Variants in MAN1B1 observed in about 807,000 individuals in gnomAD.
MAN1B1 encodes endoplasmic reticulum mannosyl-oligosaccharide 1,2-alpha-mannosidase.
In MAN1B1, 66 loss-of-function variants were observed where a neutral mutation model predicts 75.5. The ratio of observed to expected loss-of-function variants is 0.87; its 90% CI spans 0.72 to 1.07. MAN1B1 has a LOEUF of 1.07. MAN1B1 is among the 50% of genes least tolerant of loss of function. MAN1B1 has a pLI of 0.00. For synonymous variants in MAN1B1, 453 were observed against 382.8 expected, an observed-to-expected ratio of 1.18 and a Z score of -2.14; for missense variants, 973 against 912.5, an observed-to-expected ratio of 1.07 and a Z score of -0.85.
intron 1 of MAN1B1, 101 bp downstream of exon 1, chr9:137,087,319 C>G: frequency 7.7e-7 from 1 of 1,305,792 alleles, no homozygotes; most frequent in Non-Finnish European, 1.0e-6. Flanking sequence ...ACTCGACTCC[C>G]CAGGCGCCGC....
chr9:137,106,172 G>A lies in MAN1B1; in HGVS notation c.1302G>A (p.Lys434=). ...AGCACATCCACGGCCTGTCTGGGAAGAAGGATGGGCTGGTGCCCATGTTCA... is the reference window on the plus strand; with the variant it reads ...AGCACATCCACGGCCTGTCTGGGAAAAAGGATGGGCTGGTGCCCATGTTCA... The part of the protein sequence containing the change: ...VTQHIHGLSG[K]KDGLVPMFIN... The change falls in exon 9 of 13, where the codon AAG becomes AAA. Residue 434 remains lysine, a synonymous_variant. Coordinates refer to ENST00000371589, the MANE Select transcript of MAN1B1 (RefSeq NM_016219.5). 6.2e-7 allele frequency: 1 copy of A among 1,612,934 alleles called. No homozygotes were observed. Among genetic ancestry groups the A allele is most frequent in the Non-Finnish European group, 8.5e-7 (1 of 1,179,898 alleles).
intron 4 of MAN1B1, among the ~76,000 whole-genome samples, chr9:137,096,980 C>T (rs371568998): frequency 1.3e-5 from 2 of 152,240 alleles, no homozygotes; most frequent in East Asian, 3.8e-4. Flanking sequence ...CCAGTGAGGG[C>T]TGCTGTGCAG....
intron 1 of MAN1B1, 32 bp from the exon 2 acceptor site, chr9:137,088,039 TTCAG>T: frequency 6.7e-7 from 1 of 1,484,502 alleles, no homozygotes; most frequent in Non-Finnish European, 9.4e-7. Flanking sequence ...GTGTGATATA[TTCAG>T]TAAGAAATGT....
rs776771824 is a variant in MAN1B1 at position 137,089,012 on chromosome 9, T to C, written c.465+7T>C. On this transcript the variant is annotated splice_region_variant and intron_variant, in intron 3 of 12. Coordinates refer to ENST00000371589, the MANE Select transcript of MAN1B1 (RefSeq NM_016219.5). ...ACCTGAGATTTCGTCACAGGTACTTTGAGCAAATGGTGTGGGGTTATAACT... is the reference window on the plus strand; with the variant it reads ...ACCTGAGATTTCGTCACAGGTACTTCGAGCAAATGGTGTGGGGTTATAACT... 1 of 1,613,966 alleles carries C rather than the reference T, an allele frequency of 6.2e-7. No homozygotes were observed. The highest frequency in any genetic ancestry group is 8.5e-7 in the Non-Finnish European group (1 of 1,179,974).
chr9:137,098,720 T>C (rs1320428866), intron 5 of MAN1B1, among the ~76,000 whole-genome samples: 1 of 152,086 alleles, frequency 6.6e-6, no homozygotes, highest in Non-Finnish European at 1.5e-5. Flanking sequence ...CATTAGTCAA[T>C]GTTGGCCGGG....
chr9:137,104,898 ACACC>A (rs942382517), intron 8 of MAN1B1: 1 of 148,222 alleles, frequency 6.7e-6, no homozygotes, highest in African/African-American at 2.6e-5. Flanking sequence ...GTGGGTGCAC[ACACC>A]TGCCTGAGGC....
chr9:137,100,587 A>G (rs987082181), intron 6 of MAN1B1, among the ~76,000 whole-genome samples: 1 of 152,134 alleles, frequency 6.6e-6, no homozygotes, highest in Non-Finnish European at 1.5e-5. Flanking sequence ...CAATGGCGCA[A>G]TCTCGGCTCA....
Position 137,106,231 on chromosome 9 carries a change from G to T in MAN1B1, c.1361G>T (p.Gly454Val), listed in dbSNP as rs762020069. 1.2e-6 allele frequency: 2 copies of T among 1,603,932 alleles called. No homozygotes were observed. Among genetic ancestry groups the T allele is most frequent in the Non-Finnish European group, 1.7e-6 (2 of 1,175,822 alleles). Reference sequence around the variant, plus strand: ...CACAGTGGCCTCTTCACCCACCTGGGCGTATTCACGCTGGGCGCCAGGGCC... The same window carrying T: ...CACAGTGGCCTCTTCACCCACCTGGTCGTATTCACGCTGGGCGCCAGGGCC... ...NTHSGLFTHL[G>V]VFTLGARADS... Residue 454 changes from glycine to valine, a missense_variant, in exon 9 of 13, where the codon GGC becomes GTC. Coordinates refer to ENST00000371589, the MANE Select transcript of MAN1B1 (RefSeq NM_016219.5).
chr9:137,101,762 C>A, intron 8 of MAN1B1, 90 bp downstream of exon 8: 2 of 1,411,616 alleles, frequency 1.4e-6, no homozygotes, highest in Non-Finnish European at 2.0e-6. Flanking sequence ...TGTGTATGTG[C>A]ATGTGTGTTT....
At position 137,108,412 on chromosome 9, in the gene MAN1B1, A is replaced by G. The variant is rs547087121; in HGVS notation, c.1921A>G (p.Ile641Val). ...TRVPSGGYSS[I>V]NNVQDPQKPE... ...GGTCCCCTCGGGTGGCTATTCTTCC[A>G]TCAACAATGTCCAGGATCCTCAGAA... The change falls in exon 13 of 13, where the codon ATC (isoleucine) becomes GTC (valine). Residue 641 changes from isoleucine to valine, a missense_variant. Transcript: ENST00000371589. The G allele has an allele frequency of 6.2e-7, 1 of 1,613,770 alleles. No homozygotes were observed. The highest frequency in any genetic ancestry group is 1.7e-5 in the Admixed American group (1 of 60,018).
At chr9:137,098,731 C>T (rs945163881) in intron 5 of MAN1B1, among the ~76,000 whole-genome samples, 2 of 152,050 alleles carry the variant, frequency 1.3e-5, no homozygotes, top group South Asian at 2.1e-4. Flanking sequence ...GTTGGCCGGG[C>T]GTGGTGGCTC....
At chr9:137,101,226 T>C in intron 7 of MAN1B1, 73 bp downstream of exon 7, 6 of 1,569,790 alleles carry the variant, frequency 3.8e-6, no homozygotes, top group Non-Finnish European at 5.2e-6. Context: ...AGTGGACTTG[T>C]GGGGACGTGA....
rs1831098204 is a variant in MAN1B1, at chr9:137,106,262, C to T, written c.1392C>T (p.Ser464=). The change falls in exon 9 of 13, where the codon AGC becomes AGT. Residue 464 remains serine (S), a synonymous_variant. Coordinates refer to ENST00000371589, the MANE Select transcript of MAN1B1 (RefSeq NM_016219.5). ...GVFTLGARAD[S]YYEYLLKQWI... is the part of the protein sequence containing the mutation. The stretch of plus-strand genomic sequence containing the variant: ...TCACGCTGGGCGCCAGGGCCGACAG[C>T]TACTATGAGTACCTGCTGAAGCAGT... 6.4e-7 allele frequency: 1 copy of T among 1,573,924 alleles called. No homozygotes were observed. The highest frequency in any genetic ancestry group is 1.3e-5 in the African/African-American group (1 of 74,440).
At chr9:137,100,512 TG>T (rs751019439) in intron 6 of MAN1B1, among the ~76,000 whole-genome samples, 32 of 152,250 alleles carry the variant, frequency 2.1e-4, no homozygotes, top group Non-Finnish European at 5.9e-5. Context: ...GACATGGGTT[TG>T]GTTTTTTGTT....
intron 9 of MAN1B1, 104 bp downstream of exon 9, chr9:137,106,419 C>A: frequency 6.1e-6 from 7 of 1,150,990 alleles, no homozygotes; most frequent in South Asian, 1.5e-5. Context: ...TGCTGCCCCC[C>A]GCCACACTGT....
rs757900173 is a variant in MAN1B1 at position 137,088,149 on chromosome 9, CCTCTT to C, written c.297_301del (p.Phe100HisfsTer5). 9 of 1,614,156 alleles carry C rather than the reference CCTCTT, an allele frequency of 5.6e-6. No individual in the cohort carries two copies. The highest frequency in any genetic ancestry group is 1.6e-4 in the Middle Eastern group (1 of 6,062). On this transcript the variant is annotated frameshift_variant, in exon 2 of 13. Coordinates refer to ENST00000371589, the MANE Select transcript of MAN1B1 (RefSeq NM_016219.5). LOFTEE classifies it high-confidence loss of function. ...TTGCCTTTCTGCTTTTCTGTGGACTCCTCTTCTACATCAACTTGGCTGACCATTGG... is the reference window on the plus strand; with the variant it reads ...TTGCCTTTCTGCTTTTCTGTGGACTCCTACATCAACTTGGCTGACCATTGG...
chr9:137,102,509 C>T (rs1830883369), intron 8 of MAN1B1: 2 of 390,308 alleles, frequency 5.1e-6, no homozygotes, highest in Non-Finnish European at 4.9e-6. Flanking sequence ...GTCAGTGTTA[C>T]ACACATTCAC....
At chr9:137,102,322 T>TGCAGG in intron 8 of MAN1B1, 3 of 155,738 alleles carry the variant, frequency 1.9e-5, no homozygotes, top group African/African-American at 9.2e-5. Context: ...GTGTTACACA[T>TGCAGG]TCACGCTGTT....
intron 1 of MAN1B1, chr9:137,087,558 C>G: frequency 1.8e-6 from 1 of 556,368 alleles, no homozygotes; most frequent in Non-Finnish European, 3.4e-6. Context: ...GTGGTGTATG[C>G]TCCCCTCGGT....
Sources: allele counts gnomAD v4.1 joint callset (sites outside exome capture counted in the v4.1 genomes callset), GRCh38; gene constraint gnomAD v4.1.1; transcripts MANE v1.5; gene names NCBI Gene and HGNC (gene_info 2026-07-23, HGNC 2026-07-21).